CD163L1: variants seen among roughly 807,000 people sequenced by gnomAD.
The protein encoded by CD163L1 is scavenger receptor cysteine-rich type 1 protein M160.
A neutral mutation model predicts 165.4 loss-of-function variants in CD163L1; 124 were observed. The observed-to-expected ratio is 0.75, with a 90% CI of 0.65 to 0.87. CD163L1 has a LOEUF of 0.87. CD163L1 is among the 40% of genes least tolerant of loss of function. The pLI, the probability that CD163L1 is intolerant of heterozygous loss-of-function variation, is 0.00. For synonymous variants in CD163L1, 585 were observed against 662.2 expected (o/e 0.88, Z 1.79); for missense variants, 1,525 against 1,799.9 (o/e 0.85, Z 2.76).
chr12:7,433,224 T>C (rs1948659055), intron 3 of CD163L1, 150 bp downstream of exon 3: 13 of 589,436 alleles, frequency 2.2e-5, no homozygotes, highest in Non-Finnish European at 8.3e-6. Flanking sequence ...AGACATTACT[T>C]TGGAAATAAG....
At chr12:7,399,554 T>G (rs11053672) in intron 6 of CD163L1, among the ~76,000 whole-genome samples, 7,293 of 129,784 alleles carry the variant, frequency 0.056, 273 homozygotes, top group East Asian at 0.17. Context: ...TTTCTTGCTT[T>G]CTTTCTTTCC....
intron 8 of CD163L1, among the ~76,000 whole-genome samples, chr12:7,394,374 A>C (rs975002673): frequency 2.0e-5 from 3 of 152,230 alleles, no homozygotes; most frequent in Admixed American, 6.5e-5. Flanking sequence ...TGGTGCTGGG[A>C]AAACTGGCTA....
At chr12:7,364,109 C>T (rs11053446) in intron 18 of CD163L1, among the ~76,000 whole-genome samples, 25,188 of 151,972 alleles carry the variant, frequency 0.17, 2,637 homozygotes, top group Admixed American at 0.28. Flanking sequence ...GAAATTCATT[C>T]CAGGGATGCA....
At chr12:7,431,160 C>G (rs138742549) in intron 4 of CD163L1, among the ~76,000 whole-genome samples, 163 of 152,166 alleles carry the variant, frequency 1.1e-3, no homozygotes, top group African/African-American at 3.6e-3. Context: ...CGGTGGCTCA[C>G]GGCTGTAATC....
intron 5 of CD163L1, among the ~76,000 whole-genome samples, chr12:7,404,465 CTG>C (rs1430005919): frequency 1.3e-5 from 2 of 152,144 alleles, no homozygotes; most frequent in South Asian, 2.1e-4. Context: ...TTTGAAGAAA[CTG>C]TGTGTTTTTG....
chr12:7,380,288 TG>T (rs1269411700), intron 8 of CD163L1, among the ~76,000 whole-genome samples: 1 of 151,424 alleles, frequency 6.6e-6, no homozygotes, highest in African/African-American at 2.4e-5. Flanking sequence ...TGTGTGTGTG[TG>T]TGTGTGTGTG....
In CD163L1 at chr12:7,368,525, C is replaced by T. The variant is rs949888405; in HGVS notation, c.4073-328G>A. 2.1e-5 allele frequency among the ~76,000 whole-genome samples: 3 copies of T among 143,864 alleles called. No individual in the cohort carries two copies. The highest frequency in any genetic ancestry group is 3.0e-5 in the Non-Finnish European group (2 of 66,048). 94.4% of individuals were successfully genotyped at this position (143,864 alleles called of 152,430 possible). ...TACTAGGGCTTGAGCTGAGCTGTTTCTTTCTTTTTTTTTTTTTTTTGAGAT... is the reference window on the plus strand; with the variant it reads ...TACTAGGGCTTGAGCTGAGCTGTTTTTTTCTTTTTTTTTTTTTTTTGAGAT... On this transcript the variant is annotated intron_variant, in intron 16 of 19. Coordinates refer to ENST00000313599, the MANE Select transcript of CD163L1 (RefSeq NM_174941.6). The surrounding 1 kb of genome is among the most constrained non-coding windows in gnomAD (Gnocchi z 4.3).
At chr12:7,408,911 T>G (rs1948080560) in intron 4 of CD163L1, among the ~76,000 whole-genome samples, 1 of 152,214 alleles carries the variant, frequency 6.6e-6, no homozygotes, top group Admixed American at 6.5e-5. Flanking sequence ...CAACATGGTT[T>G]GTTTTCCTTT....
chr12:7,333,986 A>T, the CD163L1 span, among the ~76,000 whole-genome samples: 2 of 152,122 alleles, frequency 1.3e-5, no homozygotes, highest in African/African-American at 2.4e-5. Context: ...TCTGAAATTG[A>T]GGCAATAATT....
chr12:7,384,668 G>A (rs765327783), intron 8 of CD163L1, among the ~76,000 whole-genome samples: 1 of 152,178 alleles, frequency 6.6e-6, no homozygotes, highest in East Asian at 1.9e-4. Context: ...AGAAAAAAAT[G>A]CCAGCCTAAA....
the CD163L1 span, chr12:7,322,498 A>C: frequency 6.2e-7 from 1 of 1,613,890 alleles, no homozygotes; most frequent in Non-Finnish European, 8.5e-7. Flanking sequence ...TGGAGGGTGC[A>C]AACTGGGCTG....
At chr12:7,419,238 A>G (rs775919754) in intron 4 of CD163L1, among the ~76,000 whole-genome samples, 2 of 152,194 alleles carry the variant, frequency 1.3e-5, no homozygotes, top group African/African-American at 2.4e-5. Flanking sequence ...GGTACACCAC[A>G]TAAACAGAAT....
rs1173165272 is a variant in CD163L1 at position 7,442,788 on chromosome 12, C to CT, written c.31+1308dup. 7.9e-5 allele frequency among the ~76,000 whole-genome samples: 12 copies of CT among 152,250 alleles called. No homozygotes were observed. In the East Asian group the frequency reaches 2.3e-3, roughly 29 times the overall value. ...TCTTCCTAAATCCTTCCAGGAAACT[C>CT]TGAGTGCCCATTTGTAAGAATGGTT... On this transcript the variant is annotated intron_variant, in intron 1 of 19. Transcript: ENST00000313599.
chr12:7,410,262 T>C (rs928611681), intron 4 of CD163L1, among the ~76,000 whole-genome samples: 6 of 151,662 alleles, frequency 4.0e-5, no homozygotes, highest in African/African-American at 1.5e-4. Flanking sequence ...GTAATTGGAG[T>C]TCCAGAGAGT....
chr12:7,322,420 A>T, the CD163L1 span: 1 of 1,613,752 alleles, frequency 6.2e-7, no homozygotes, highest in African/African-American at 1.3e-5. Flanking sequence ...CTCTCCAGAT[A>T]TAAATTCAAG....
intron 2 of CD163L1, among the ~76,000 whole-genome samples, chr12:7,437,506 C>G (rs991037738): frequency 6.6e-6 from 1 of 151,554 alleles, no homozygotes; most frequent in African/African-American, 2.4e-5. Flanking sequence ...CCATGACAGG[C>G]CCTGATGTGT....
chr12:7,398,981 C>T lies in CD163L1; in HGVS notation c.1409-397G>A, dbSNP rs943353552. On this transcript the variant is annotated intron_variant, in intron 6 of 19. Coordinates refer to ENST00000313599, the MANE Select transcript of CD163L1 (RefSeq NM_174941.6). This position sits in a 1 kb window ranked among gnomAD's most constrained non-coding sequence, Gnocchi z 4.5. ...GCACCAAAGCTTATCCCCTCATAGTCGTCATTTTAGTTTGTCCACTCATGT... is the reference window on the plus strand; with the variant it reads ...GCACCAAAGCTTATCCCCTCATAGTTGTCATTTTAGTTTGTCCACTCATGT... Among the ~76,000 whole-genome samples the T allele has an allele frequency of 6.6e-5, 10 of 152,046 alleles. No individual in the cohort carries two copies. The highest frequency in any genetic ancestry group is 1.9e-4 in the African/African-American group (8 of 41,384).
intron 4 of CD163L1, among the ~76,000 whole-genome samples, chr12:7,349,908 C>T (rs1391113453): frequency 6.6e-6 from 1 of 152,106 alleles, no homozygotes; most frequent in Non-Finnish European, 1.5e-5. Context: ...ATATCTTATA[C>T]ATGAAACTGA....
At chr12:7,364,880 CTT>C (rs1273450943) in intron 18 of CD163L1, among the ~76,000 whole-genome samples, 1 of 152,072 alleles carries the variant, frequency 6.6e-6, no homozygotes, top group Non-Finnish European at 1.5e-5. Flanking sequence ...AACGCAATCT[CTT>C]TGAAAACACT....
Sources: gnomAD v4.1 joint callset for allele counts (sites outside exome capture counted in the v4.1 genomes callset) on GRCh38, gnomAD v4.1.1 for gene constraint, Gnocchi (gnomAD v3.1) non-coding constraint, MANE v1.5 for transcripts, NCBI Gene and HGNC (gene_info 2026-07-23, HGNC 2026-07-21) for gene names.